Variants in BORCS5 observed in about 807,000 individuals in gnomAD.
BORCS5 encodes the protein BLOC-1 related complex subunit 5.
In BORCS5, 17 loss-of-function variants were observed where a neutral mutation model predicts 22.1. The observed-to-expected ratio is 0.77, with a 90% CI of 0.53 to 1.15. BORCS5 has a LOEUF of 1.15. BORCS5 is among the 50% of genes most tolerant of loss of function. BORCS5 has a pLI of 0.00. For synonymous variants in BORCS5, 117 were observed against 99.8 expected (o/e 1.17, Z -1.03); for missense variants, 247 against 253.2 (o/e 0.98, Z 0.17).
rs1266343455 is a variant in BORCS5 at position 12,357,254 on chromosome 12, C to G, written c.-198C>G. The stretch of plus-strand genomic sequence containing the variant: ...CCGCGCCTCCTTGCGTTTCTGTTCC[C>G]CAAATAGGGCCTCTCCTTCTCCCGC... On this transcript the variant is annotated 5_prime_UTR_variant, in exon 1 of 4. Coordinates refer to ENST00000314565, the MANE Select transcript of BORCS5 (RefSeq NM_058169.6). 4.1e-6 allele frequency: 6 copies of G among 1,465,882 alleles called. No individual in the cohort carries two copies. In the East Asian group the frequency reaches 1.0e-4, roughly 24 times the overall value. 90.8% of individuals were successfully genotyped at this position (1,465,882 alleles called of 1,614,324 possible).
At chr12:12,409,956 TG>T (rs1032045721) in intron 2 of BORCS5, among the ~76,000 whole-genome samples, 45 of 152,242 alleles carry the variant, frequency 3.0e-4, no homozygotes, top group African/African-American at 1.0e-3. Flanking sequence ...ATTGTGGTTT[TG>T]ATTTTCATTT....
intron 3 of BORCS5, among the ~76,000 whole-genome samples, chr12:12,465,339 CCT>C (rs1943181021): frequency 6.6e-6 from 1 of 152,108 alleles, no homozygotes; most frequent in African/African-American, 2.4e-5. Context: ...GGGACAGTCC[CCT>C]CTCAGTTCTC....
intron 2 of BORCS5, among the ~76,000 whole-genome samples, chr12:12,368,551 C>A (rs1863454516): frequency 6.6e-6 from 1 of 151,806 alleles, no homozygotes; most frequent in African/African-American, 2.4e-5. Flanking sequence ...CACAAATGAT[C>A]TTCCAACCTC....
intron 2 of BORCS5, among the ~76,000 whole-genome samples, chr12:12,414,436 A>T (rs1371981119): frequency 1.5e-5 from 1 of 68,394 alleles, no homozygotes; most frequent in Non-Finnish European, 3.1e-5. Context: ...CGGGGGGCTG[A>T]CCCCCCCACC....
rs932452958 is a variant in BORCS5, at chr12:12,401,253, G to A, written c.203-34375G>A. Among the ~76,000 whole-genome samples the A allele has an allele frequency of 1.1e-4, 17 of 151,992 alleles. No individual in the cohort carries two copies. The South Asian group carries it at 2.1e-3, about 19-fold the overall frequency. On this transcript the variant is annotated intron_variant, in intron 2 of 3. Coordinates refer to ENST00000314565, the MANE Select transcript of BORCS5 (RefSeq NM_058169.6). ...TCAATTTACTCTTCAAAGTAGTTATGCTCTTTTATCGCCTTACTAGCTATA... is the reference window on the plus strand; with the variant it reads ...TCAATTTACTCTTCAAAGTAGTTATACTCTTTTATCGCCTTACTAGCTATA...
intron 2 of BORCS5, among the ~76,000 whole-genome samples, chr12:12,364,474 G>A (rs933980073): frequency 9.9e-5 from 15 of 152,202 alleles, no homozygotes; most frequent in African/African-American, 3.6e-4. Context: ...TGAGTAGGCC[G>A]AGAAGGAGGA....
At chr12:12,360,325 G>A (rs935561982) in intron 1 of BORCS5, among the ~76,000 whole-genome samples, 1 of 152,194 alleles carries the variant, frequency 6.6e-6, no homozygotes, top group African/African-American at 2.4e-5. Context: ...TTGCACCACT[G>A]TACTCCAACC....
chr12:12,450,135 G>T (rs1201132745), intron 3 of BORCS5, among the ~76,000 whole-genome samples: 2 of 152,198 alleles, frequency 1.3e-5, no homozygotes, highest in African/African-American at 4.8e-5. Context: ...GGTAGACTTT[G>T]GTCGCTTAGG....
rs570726254 is a variant in BORCS5, at chr12:12,431,300, TTA to T, written c.203-4325_203-4324del. Among the ~76,000 whole-genome samples the T allele has an allele frequency of 2.2e-3, 335 of 152,308 alleles. 1 individual carries two copies. The highest frequency in any genetic ancestry group is 7.1e-3 in the African/African-American group (296 of 41,550). On this transcript the variant is annotated intron_variant, in intron 2 of 3. Coordinates refer to ENST00000314565, the MANE Select transcript of BORCS5 (RefSeq NM_058169.6). ...GTAAAGTTTCAATTTGTTTTTCTTA[TTA>T]TAAGTGAGGTTGTGCATCTTTTCTT...
intron 2 of BORCS5, among the ~76,000 whole-genome samples, chr12:12,369,477 T>G (rs1863474762): frequency 6.6e-6 from 1 of 152,114 alleles, no homozygotes; most frequent in African/African-American, 2.4e-5. Flanking sequence ...TTGGTTACTT[T>G]CATACTCCTT....
intron 2 of BORCS5, among the ~76,000 whole-genome samples, chr12:12,409,054 C>T (rs12301872): frequency 0.25 from 38,331 of 151,884 alleles, 5,932 homozygotes; most frequent in Non-Finnish European, 0.34. Context: ...TGTTACGTCT[C>T]CACCAATAGT....
intron 3 of BORCS5, among the ~76,000 whole-genome samples, chr12:12,464,456 G>A (rs1280342932): frequency 2.6e-5 from 4 of 152,074 alleles, no homozygotes; most frequent in African/African-American, 7.2e-5. Context: ...CTCTGGTACC[G>A]GGTGTTGAGC....
In BORCS5 at chr12:12,389,106, T is replaced by A. The variant is rs1032056257; in HGVS notation, c.202+27757T>A. On this transcript the variant is annotated intron_variant, in intron 2 of 3. Coordinates refer to ENST00000314565, the MANE Select transcript of BORCS5 (RefSeq NM_058169.6). ...AGATATTAACTATCTCTGGCCAGAG[T>A]TTTTCCCCTAGGTCCTTACAAGTAA... is the stretch of plus-strand genomic sequence containing the variant. 6.1e-4 allele frequency among the ~76,000 whole-genome samples: 92 copies of A among 149,906 alleles called. 2 individuals are homozygous for A. The highest frequency in any genetic ancestry group is 2.2e-3 in the African/African-American group (90 of 40,560).
At chr12:12,444,752 C>T (rs191882621) in intron 3 of BORCS5, among the ~76,000 whole-genome samples, 1 of 152,062 alleles carries the variant, frequency 6.6e-6, no homozygotes, top group African/African-American at 2.4e-5. Context: ...ACAGATCTAA[C>T]AATAAGTTAA....
chr12:12,465,504 T>C lies in BORCS5; in HGVS notation c.361-42T>C, dbSNP rs375572131. On this transcript the variant is annotated intron_variant, in intron 3 of 3. Coordinates refer to ENST00000314565, the MANE Select transcript of BORCS5 (RefSeq NM_058169.6). ...GACACCCGGCCCTGCGGAGAGGACT[T>C]GATTAAACAAGGTATAATGTACTTC... is the stretch of plus-strand genomic sequence containing the variant. 8.3e-6 allele frequency: 13 copies of C among 1,566,398 alleles called. No homozygotes were observed. In the African/African-American group the frequency reaches 1.6e-4, roughly 20 times the overall value.
chr12:12,453,517 T>G (rs1234223370), intron 3 of BORCS5, among the ~76,000 whole-genome samples: 3 of 152,200 alleles, frequency 2.0e-5, no homozygotes, highest in Non-Finnish European at 4.4e-5. Flanking sequence ...AATAGGTTTC[T>G]TCATCTTCGT....
intron 2 of BORCS5, among the ~76,000 whole-genome samples, chr12:12,377,525 G>A (rs914546075): frequency 6.6e-6 from 1 of 151,968 alleles, no homozygotes; most frequent in Non-Finnish European, 1.5e-5. Flanking sequence ...TTAGGGCCCA[G>A]CACAAAGCTT....
intron 2 of BORCS5, among the ~76,000 whole-genome samples, chr12:12,428,333 T>A (rs1417581509): frequency 6.6e-6 from 1 of 152,230 alleles, no homozygotes; most frequent in African/African-American, 2.4e-5. Flanking sequence ...CTCAACATTT[T>A]ACACAAAGAG....
intron 2 of BORCS5, among the ~76,000 whole-genome samples, chr12:12,392,639 A>G (rs181817273): frequency 6.6e-6 from 1 of 152,240 alleles, no homozygotes; most frequent in East Asian, 1.9e-4. Context: ...CATGACAAGG[A>G]TGCTGTGAGA....
Sources: allele counts gnomAD v4.1 joint callset (sites outside exome capture counted in the v4.1 genomes callset), GRCh38; gene constraint gnomAD v4.1.1; transcripts MANE v1.5; gene names NCBI Gene and HGNC (gene_info 2026-07-23, HGNC 2026-07-21).